The following MECR variants were observed in gnomAD, a reference collection of about 807,000 sequenced individuals.
The protein encoded by MECR is mitochondrial trans-2-enoyl-CoA reductase, also known as enoyl-[acyl-carrier-protein] reductase, mitochondrial.
In MECR, 37 loss-of-function variants were observed where a neutral mutation model predicts 49.1. That is an observed-to-expected ratio of 0.75 (90% confidence interval 0.58 to 0.99). The LOEUF is 0.99. MECR is among the 50% of genes least tolerant of loss of function. The pLI is 0.00. For synonymous variants in MECR, 198 were observed against 191.1 expected, an observed-to-expected ratio of 1.04 and a Z score of -0.30; for missense variants, 470 against 479.6, an observed-to-expected ratio of 0.98 and a Z score of 0.19.
intron 3 of MECR, among the ~76,000 whole-genome samples, chr1:29,210,088 G>A (rs1677601435): frequency 6.6e-6 from 1 of 151,052 alleles, no homozygotes; most frequent in South Asian, 2.1e-4. Flanking sequence ...TCAGCTCACT[G>A]CAAGCTCTGC....
the MECR span, among the ~76,000 whole-genome samples, chr1:29,174,528 G>T: frequency 6.6e-6 from 1 of 152,024 alleles, no homozygotes; most frequent in Non-Finnish European, 1.5e-5. Context: ...CAGGTTGTAG[G>T]AGAATACTTA....
downstream of MECR, among the ~76,000 whole-genome samples, chr1:29,190,331 C>T (rs187271501): frequency 3.2e-4 from 49 of 151,820 alleles, no homozygotes; most frequent in East Asian, 8.0e-3. Context: ...GCCGACATCG[C>T]GCCACCCAGA....
At chr1:29,223,170 C>T (rs2151912080) in intron 1 of MECR, 1 of 985,408 alleles carries the variant, frequency 1.0e-6, no homozygotes, top group South Asian at 4.7e-5. Context: ...GTAATGGCGC[C>T]ATGCAACTCG....
At chr1:29,194,320 G>A (rs1673445877) in intron 9 of MECR, 141 bp from the exon 10 acceptor site, 2 of 906,050 alleles carry the variant, frequency 2.2e-6, no homozygotes, top group East Asian at 2.6e-5. Flanking sequence ...AGGATAGGGT[G>A]GCTGTGGAGG....
At chr1:29,179,251 ATTGT>A in the MECR span, among the ~76,000 whole-genome samples, 7 of 152,130 alleles carry the variant, frequency 4.6e-5, no homozygotes, top group Non-Finnish European at 5.9e-5. Context: ...TCCATGCTAG[ATTGT>A]TTATTATTTT....
intron 1 of MECR, chr1:29,223,157 A>G (rs1450883901): frequency 1.0e-6 from 1 of 985,432 alleles, no homozygotes; most frequent in African/African-American, 1.7e-5. Flanking sequence ...GTCCTCCGTG[A>G]ATGTAATGGC....
At chr1:29,169,486 G>A in the MECR span, 2 of 152,214 alleles carry the variant, frequency 1.3e-5, no homozygotes, top group Admixed American at 1.3e-4. Context: ...CATGTGATGT[G>A]TGTGTGCTAA....
chr1:29,226,976 T>G (rs1682240083), intron 1 of MECR, among the ~76,000 whole-genome samples: 2 of 146,728 alleles, frequency 1.4e-5, no homozygotes, highest in African/African-American at 2.6e-5. Context: ...TTTTTTTTTT[T>G]GAGACACAGC....
the MECR span, among the ~76,000 whole-genome samples, chr1:29,174,610 A>G: frequency 2.6e-5 from 4 of 151,754 alleles, no homozygotes; most frequent in African/African-American, 9.7e-5. Context: ...GTATGATTCC[A>G]AGTTTGGAAA....
At chr1:29,209,660 C>T (rs531625148) in intron 3 of MECR, among the ~76,000 whole-genome samples, 18 of 152,204 alleles carry the variant, frequency 1.2e-4, no homozygotes, top group African/African-American at 4.3e-4. Flanking sequence ...TGCACTCACA[C>T]AGGCAGGATC....
chr1:29,200,399 AT>A, intron 7 of MECR, 116 bp downstream of exon 7: 1 of 904,852 alleles, frequency 1.1e-6, no homozygotes, highest in Admixed American at 2.4e-5. Flanking sequence ...TCCACTCAAC[AT>A]TGTGCTGACC....
chr1:29,209,740 C>T (rs1258691464), intron 3 of MECR, among the ~76,000 whole-genome samples: 1 of 152,172 alleles, frequency 6.6e-6, no homozygotes, highest in African/African-American at 2.4e-5. Context: ...TCCACAGTGT[C>T]CTCACTGTGT....
chr1:29,179,684 C>G, the MECR span, among the ~76,000 whole-genome samples: 5 of 152,220 alleles, frequency 3.3e-5, no homozygotes, highest in Non-Finnish European at 7.3e-5. Flanking sequence ...TTCTTCACTT[C>G]AAGCTCTAAT....
chr1:29,223,134 C>T (rs1348433955), intron 1 of MECR: 1 of 985,298 alleles, frequency 1.0e-6, no homozygotes, highest in Non-Finnish European at 1.2e-6. Flanking sequence ...ATTGCTTCCC[C>T]CATACCGTTC....
intron 7 of MECR, among the ~76,000 whole-genome samples, chr1:29,199,630 C>CT (rs1674852317): frequency 1.3e-5 from 2 of 148,582 alleles, no homozygotes; most frequent in Admixed American, 6.7e-5. Flanking sequence ...TTTTTTTTTT[C>CT]TTTTTTGAGA....
At chr1:29,213,317 G>C (rs59847603) in intron 3 of MECR, among the ~76,000 whole-genome samples, 2 of 152,340 alleles carry the variant, frequency 1.3e-5, no homozygotes, top group African/African-American at 4.8e-5. Context: ...TCACCGCCAG[G>C]TGGGTGTAGG....
At chr1:29,200,695 T>C (rs1675105582) in intron 6 of MECR, 106 bp from the exon 7 acceptor site, 1 of 905,558 alleles carries the variant, frequency 1.1e-6, no homozygotes. Context: ...GAGATGTTTA[T>C]GCCTTTGTTT....
intron 4 of MECR, among the ~76,000 whole-genome samples, chr1:29,204,466 T>TA (rs1044309893): frequency 6.6e-6 from 1 of 151,942 alleles, no homozygotes; most frequent in African/African-American, 2.4e-5. Context: ...CTTTTTTTTT[T>TA]AAAGTTAAAA....
At chr1:29,228,167 G>A (rs1418460842) in intron 1 of MECR, among the ~76,000 whole-genome samples, 1 of 151,928 alleles carries the variant, frequency 6.6e-6, no homozygotes, top group Admixed American at 6.6e-5. Flanking sequence ...CTTGAGCCCA[G>A]GAGTTCAAGA....
Sources: gnomAD v4.1 joint callset for allele counts (sites outside exome capture counted in the v4.1 genomes callset) on GRCh38, gnomAD v4.1.1 for gene constraint, MANE v1.5 for transcripts, NCBI Gene and HGNC (gene_info 2026-07-23, HGNC 2026-07-21) for gene names.